Variants in SSBP3 observed in about 807,000 individuals in gnomAD.
The protein encoded by SSBP3 is single stranded DNA binding protein 3.
In SSBP3, 5 loss-of-function variants were observed where a neutral mutation model predicts 69.6. The observed-to-expected ratio is 0.07, with a 90% CI of 0.04 to 0.15. The LOEUF (loss-of-function observed/expected upper bound fraction) is 0.15, where lower values mean the gene tolerates loss of function less well. Ranked by LOEUF, SSBP3 falls within the 10% of genes least tolerant of loss-of-function variation. The pLI is 1.00. For synonymous variants in SSBP3, 196 were observed against 193.4 expected (o/e 1.01, Z -0.11); for missense variants, 312 against 534.0 (o/e 0.58, Z 4.10).
intron 4 of SSBP3, among the ~76,000 whole-genome samples, chr1:54,323,530 G>C (rs1179230480): frequency 6.6e-6 from 1 of 152,174 alleles, no homozygotes; most frequent in African/African-American, 2.4e-5. Context: ...ATCAGACCCT[G>C]TCCCAACAGG....
chr1:54,407,821 A>T (rs1051082902), upstream of SSBP3, among the ~76,000 whole-genome samples: 2 of 142,992 alleles, frequency 1.4e-5, no homozygotes, highest in African/African-American at 5.3e-5. Context: ...TCCCCCTAAC[A>T]TGCCTCGCAC....
At chr1:54,252,370 A>C (rs1644845017) in intron 7 of SSBP3, among the ~76,000 whole-genome samples, 1 of 152,230 alleles carries the variant, frequency 6.6e-6, no homozygotes, top group South Asian at 2.1e-4. Context: ...TTTAAAGGGG[A>C]AAAGAGGATG....
intron 15 of SSBP3, 74 bp downstream of exon 15, chr1:54,228,674 G>A (rs1570174371): frequency 1.8e-5 from 28 of 1,522,222 alleles, no homozygotes; most frequent in Non-Finnish European, 2.5e-5. Flanking sequence ...ACCAAGCCCA[G>A]CTGAGCCAGG....
intron 5 of SSBP3, among the ~76,000 whole-genome samples, chr1:54,262,102 G>A (rs1284258355): frequency 1.3e-5 from 2 of 152,154 alleles, no homozygotes; most frequent in Admixed American, 1.3e-4. Context: ...AACTGGGTTC[G>A]AATCCTGGCT....
At chr1:54,233,605 C>T (rs1478741736) in intron 14 of SSBP3, among the ~76,000 whole-genome samples, 3 of 146,496 alleles carry the variant, frequency 2.0e-5, no homozygotes, top group Admixed American at 1.3e-4. Context: ...CAGCCCCCTG[C>T]CCGGCCAGCC....
rs1249167740 is a variant in SSBP3 at position 54,337,885 on chromosome 1, C to G, written c.277-56358G>C. Among the ~76,000 whole-genome samples the G allele has an allele frequency of 5.3e-5, 8 of 152,226 alleles. No homozygotes were observed. In the East Asian group the frequency reaches 1.6e-3, roughly 30 times the overall value. On this transcript the variant is annotated intron_variant, in intron 4 of 17. Coordinates refer to ENST00000610401, the Ensembl canonical transcript of SSBP3. Reference sequence around the variant, plus strand: ...GGCTCACGTCTGTAACCCCAAAACTCTGGGAGGCCAAGGCAGGGGGATCAC... The same window carrying G: ...GGCTCACGTCTGTAACCCCAAAACTGTGGGAGGCCAAGGCAGGGGGATCAC...
intron 4 of SSBP3, among the ~76,000 whole-genome samples, chr1:54,372,213 G>A (rs1463992911): frequency 6.6e-6 from 1 of 152,194 alleles, no homozygotes; most frequent in Non-Finnish European, 1.5e-5. Flanking sequence ...GCAAAATGGG[G>A]TAATACCTGC....
chr1:54,404,736 T>A lies in SSBP3; in HGVS notation c.130-99A>T, dbSNP rs534457431. 60 of 1,400,098 alleles carry A rather than the reference T, an allele frequency of 4.3e-5. No individual in the cohort carries two copies. In the South Asian group the frequency reaches 5.6e-4, roughly 13 times the overall value. 86.7% of individuals were successfully genotyped at this position (1,400,098 alleles called of 1,614,324 possible). On this transcript the variant is annotated intron_variant, in intron 2 of 17. Coordinates refer to ENST00000610401, the Ensembl canonical transcript of SSBP3. Reference sequence around the variant, plus strand: ...GCTAGGAAGACCAACTAACAATAAATGCCAAAAGGTGATAAAAATTCAAAA... The same window carrying A: ...GCTAGGAAGACCAACTAACAATAAAAGCCAAAAGGTGATAAAAATTCAAAA...
At chr1:54,391,183 A>T (rs1648466771) in intron 4 of SSBP3, among the ~76,000 whole-genome samples, 1 of 152,140 alleles carries the variant, frequency 6.6e-6, no homozygotes, top group Admixed American at 6.5e-5. Context: ...GCACATCTGA[A>T]ACAGCCTTCT....
intron 4 of SSBP3, among the ~76,000 whole-genome samples, chr1:54,398,956 C>T (rs751529783): frequency 5.3e-5 from 8 of 152,190 alleles, no homozygotes; most frequent in African/African-American, 7.2e-5. Flanking sequence ...CTTATTTACA[C>T]TCTACTTGAT....
At chr1:54,267,649 T>C (rs1161640555) in intron 5 of SSBP3, among the ~76,000 whole-genome samples, 2 of 152,168 alleles carry the variant, frequency 1.3e-5, no homozygotes. Context: ...GAGGACTTCA[T>C]GCACAAGATG....
chr1:54,399,178 G>A lies in SSBP3; in HGVS notation c.276+2683C>T, dbSNP rs374634869. Among the ~76,000 whole-genome samples the A allele has an allele frequency of 5.3e-5, 8 of 152,326 alleles. No homozygotes were observed. The South Asian group carries it at 8.3e-4, about 16-fold the overall frequency. The stretch of plus-strand genomic sequence containing the variant: ...GGAGCTACAGAGATGAATAGTTCAC[G>A]GTCTCCACCATGGAAAAAATTAATA... On this transcript the variant is annotated intron_variant, in intron 4 of 17. Transcript: ENST00000610401.
intron 4 of SSBP3, among the ~76,000 whole-genome samples, chr1:54,334,903 T>C (rs1254354441): frequency 6.6e-6 from 1 of 152,162 alleles, no homozygotes; most frequent in East Asian, 1.9e-4. Flanking sequence ...GAACCCACAT[T>C]GTAGGACTTT....
At chr1:54,252,012 G>T in intron 7 of SSBP3, 152 bp from the exon 8 acceptor site, 1 of 689,966 alleles carries the variant, frequency 1.4e-6, no homozygotes, top group Non-Finnish European at 2.6e-6. Flanking sequence ...GTGGGAGAAG[G>T]TTACCCCGGG....
chr1:54,391,111 C>CTA (rs1648460004), intron 4 of SSBP3, among the ~76,000 whole-genome samples: 1 of 152,240 alleles, frequency 6.6e-6, no homozygotes, highest in Non-Finnish European at 1.5e-5. Context: ...GTGGTGGCCC[C>CTA]AGGCTTGCTG....
exon 14 of SSBP3, chr1:54,239,196 G>A (rs1228055573): frequency 1.2e-6 from 2 of 1,611,890 alleles, no homozygotes; most frequent in African/African-American, 1.3e-5. Context: ...GGAATTTGTT[G>A]AATCTGTAGA....
chr1:54,365,981 G>A (rs373081736), intron 4 of SSBP3, among the ~76,000 whole-genome samples: 5 of 152,126 alleles, frequency 3.3e-5, no homozygotes, highest in African/African-American at 9.7e-5. Context: ...CTGACCTCAC[G>A]GAGTTACTGA....
At chr1:54,362,409 T>A (rs893984997) in intron 4 of SSBP3, among the ~76,000 whole-genome samples, 1 of 152,238 alleles carries the variant, frequency 6.6e-6, no homozygotes, top group African/African-American at 2.4e-5. Flanking sequence ...AGAAAGGGCC[T>A]GGCAAAGAGT....
intron 4 of SSBP3, among the ~76,000 whole-genome samples, chr1:54,387,548 G>A (rs1014859507): frequency 6.6e-6 from 1 of 152,080 alleles, no homozygotes; most frequent in Non-Finnish European, 1.5e-5. Flanking sequence ...GGAAAAACAC[G>A]TCTGTTTCTA....
Sources: allele counts gnomAD v4.1 joint callset (sites outside exome capture counted in the v4.1 genomes callset), GRCh38; gene constraint gnomAD v4.1.1; transcripts MANE v1.5; gene names NCBI Gene and HGNC (gene_info 2026-07-23, HGNC 2026-07-21).